Variants in IQSEC1 observed in about 807,000 individuals in gnomAD.
IQSEC1 encodes the protein IQ motif and SEC7 domain-containing protein 1.
A neutral mutation model predicts 91.0 loss-of-function variants in IQSEC1; 31 were observed. That is an observed-to-expected ratio of 0.34 (90% CI 0.26 to 0.46). The LOEUF (loss-of-function observed/expected upper bound fraction) is 0.46, where lower values mean the gene tolerates loss of function less well. Among genes scored for constraint, IQSEC1 ranks in the 20% least tolerant of loss-of-function variants. The pLI, the probability that IQSEC1 is intolerant of heterozygous loss-of-function variation, is 1.00. For synonymous variants in IQSEC1, 699 were observed against 662.6 expected (o/e 1.05, Z -0.84); for missense variants, 1,388 against 1,575.6 (o/e 0.88, Z 2.02).
chr3:13,204,432 G>A (rs145689651), intron 1 of IQSEC1, among the ~76,000 whole-genome samples: 3 of 152,362 alleles, frequency 2.0e-5, no homozygotes, highest in Admixed American at 1.3e-4. Flanking sequence ...GAGCACTGTC[G>A]CACTTCCCCC....
chr3:12,987,084 T>G, intron 1 of IQSEC1: 1 of 375,814 alleles, frequency 2.7e-6, no homozygotes, highest in Non-Finnish European at 5.3e-6. Flanking sequence ...GTCCCCCATC[T>G]GGTGCTGCGG....
intron 1 of IQSEC1, among the ~76,000 whole-genome samples, chr3:13,227,825 G>A (rs1383475125): frequency 1.3e-5 from 2 of 152,208 alleles, no homozygotes; most frequent in African/African-American, 2.4e-5. Flanking sequence ...ACGTCCACAC[G>A]TGAGGAACAG....
intron 2 of IQSEC1, among the ~76,000 whole-genome samples, chr3:12,939,837 A>C: frequency 6.6e-6 from 1 of 152,116 alleles, no homozygotes; most frequent in East Asian, 1.9e-4. Flanking sequence ...TAGAATCCCT[A>C]GAGTTTGCAT....
At chr3:13,204,025 C>T (rs1274001880) in intron 1 of IQSEC1, among the ~76,000 whole-genome samples, 1 of 152,234 alleles carries the variant, frequency 6.6e-6, no homozygotes, top group African/African-American at 2.4e-5. Flanking sequence ...CCCAGCTCCC[C>T]TTCCCCCCGC....
intron 1 of IQSEC1, among the ~76,000 whole-genome samples, chr3:13,018,800 G>A (rs1264554714): frequency 6.6e-6 from 1 of 152,194 alleles, no homozygotes; most frequent in Admixed American, 6.5e-5. Flanking sequence ...TACTGCAGCT[G>A]GGGGAAGCTT....
chr3:13,190,999 C>T (rs928458675), intron 1 of IQSEC1, among the ~76,000 whole-genome samples: 1 of 152,200 alleles, frequency 6.6e-6, no homozygotes, highest in Non-Finnish European at 1.5e-5. Flanking sequence ...GACAGCACCC[C>T]TCCTCCTGCC....
chr3:13,148,531 AT>A (rs1283858141), intron 2 of IQSEC1, among the ~76,000 whole-genome samples: 12 of 152,220 alleles, frequency 7.9e-5, no homozygotes, highest in African/African-American at 2.7e-4. Flanking sequence ...GGGAAAAAAA[AT>A]TGCAGGTTTA....
Position 12,900,554 on chromosome 3 carries a change from T to A in IQSEC1, c.*429A>T. Reference sequence around the variant, plus strand: ...TACTTATTTTTTTGCCCATTGTCAATAAAAGAGCAATAATGCAGCAAGTTT... The same window carrying A: ...TACTTATTTTTTTGCCCATTGTCAAAAAAAGAGCAATAATGCAGCAAGTTT... On this transcript the variant is annotated 3_prime_UTR_variant, in exon 14 of 14. Coordinates refer to ENST00000613206, the MANE Select transcript of IQSEC1 (RefSeq NM_001134382.3). 1.0e-6 allele frequency: 1 copy of A among 992,568 alleles called. No individual in the cohort carries two copies. Among genetic ancestry groups the A allele is most frequent in the Non-Finnish European group, 1.2e-6 (1 of 833,960 alleles). The allele number at this position is 992,568 out of a possible 1,614,324, so 61.5% of individuals were successfully genotyped here.
At chr3:13,130,934 AG>A (rs556979597) in intron 2 of IQSEC1, among the ~76,000 whole-genome samples, 1,510 of 149,246 alleles carry the variant, frequency 0.01, 32 homozygotes, top group African/African-American at 0.037. Flanking sequence ...AAAAAAAAAA[AG>A]AAAAATAAGC....
intron 12 of IQSEC1, among the ~76,000 whole-genome samples, chr3:12,905,514 G>A (rs1353945816): frequency 6.6e-6 from 1 of 152,268 alleles, no homozygotes; most frequent in Admixed American, 6.5e-5. Flanking sequence ...GGGGAAACGG[G>A]CCCACAGGGT....
chr3:12,900,567 A>C lies in IQSEC1; in HGVS notation c.*416T>G. ...GCCCATTGTCAATAAAAGAGCAATA[A>C]TGCAGCAAGTTTTGGGGTTTGTTTT... On this transcript the variant is annotated 3_prime_UTR_variant, in exon 14 of 14. Coordinates refer to ENST00000613206, the MANE Select transcript of IQSEC1 (RefSeq NM_001134382.3). The C allele has an allele frequency of 1.0e-6, 1 of 1,001,238 alleles. No homozygotes were observed. The highest frequency in any genetic ancestry group is 5.1e-4 in the Middle Eastern group (1 of 1,974). 62.0% of individuals were successfully genotyped at this position (1,001,238 alleles called of 1,614,324 possible). A position where few individuals can be genotyped will look rare whatever the true frequency, so the allele number is the denominator to read the frequency against.
chr3:13,038,233 T>C (rs1704107935), intron 1 of IQSEC1, among the ~76,000 whole-genome samples: 1 of 136,944 alleles, frequency 7.3e-6, no homozygotes, highest in African/African-American at 2.7e-5. Flanking sequence ...GATATATAAA[T>C]ATACAAGTAT....
intron 1 of IQSEC1, among the ~76,000 whole-genome samples, chr3:13,177,696 C>T (rs1163756840): frequency 6.6e-6 from 1 of 152,236 alleles, no homozygotes; most frequent in Admixed American, 6.5e-5. Flanking sequence ...CTTCTGCTAA[C>T]AGAACAGTTG....
At chr3:13,236,704 C>T (rs1003012904) in intron 1 of IQSEC1, among the ~76,000 whole-genome samples, 1 of 152,200 alleles carries the variant, frequency 6.6e-6, no homozygotes, top group Non-Finnish European at 1.5e-5. Flanking sequence ...CAGCTCCACC[C>T]GGGCCCCTGT....
intron 13 of IQSEC1, 82 bp downstream of exon 13, chr3:12,902,691 A>C (rs544251397): frequency 2.9e-4 from 208 of 720,546 alleles, no homozygotes; most frequent in African/African-American, 2.7e-3. Flanking sequence ...AAAAAAAAAA[A>C]AAACCAGGAC....
In IQSEC1 at chr3:12,935,382, A is replaced by T; in HGVS notation, c.1568+66T>A. 6.7e-7 allele frequency: 1 copy of T among 1,491,146 alleles called. No homozygotes were observed. Among genetic ancestry groups the T allele is most frequent in the African/African-American group, 1.4e-5 (1 of 72,798 alleles). The allele number at this position is 1,491,146 out of a possible 1,614,324, so 92.4% of individuals were successfully genotyped here. The stretch of plus-strand genomic sequence containing the variant: ...GCTCCGTGCTTGGAAGGATGCAGCC[A>T]CGCCCACCCGCCAAGGCCCAGCAAG... On this transcript the variant is annotated intron_variant, in intron 3 of 13. Transcript: ENST00000613206. The surrounding 1 kb of genome is among the most constrained non-coding windows in gnomAD (Gnocchi z 8.0).
At chr3:13,021,637 G>A (rs539538742) in intron 1 of IQSEC1, among the ~76,000 whole-genome samples, 28 of 152,296 alleles carry the variant, frequency 1.8e-4, no homozygotes, top group Non-Finnish European at 3.4e-4. Flanking sequence ...TGACGTTTAC[G>A]GTCACACGAA....
intron 1 of IQSEC1, among the ~76,000 whole-genome samples, chr3:12,984,224 C>G (rs1701611128): frequency 6.6e-6 from 1 of 152,174 alleles, no homozygotes; most frequent in Non-Finnish European, 1.5e-5. Context: ...AGCAGAGTCC[C>G]TGGAGGGAGA....
intron 1 of IQSEC1, among the ~76,000 whole-genome samples, chr3:13,054,965 A>G (rs1704822480): frequency 6.6e-6 from 1 of 152,170 alleles, no homozygotes; most frequent in Non-Finnish European, 1.5e-5. Flanking sequence ...AACTGGCCTG[A>G]GGGGCTGCTA....
Sources: gnomAD v4.1 joint callset for allele counts (sites outside exome capture counted in the v4.1 genomes callset) on GRCh38, gnomAD v4.1.1 for gene constraint, Gnocchi (gnomAD v3.1) non-coding constraint, MANE v1.5 for transcripts, NCBI Gene and HGNC (gene_info 2026-07-23, HGNC 2026-07-21) for gene names.